The following RYR3 variants were observed in gnomAD, a reference collection of about 807,000 sequenced individuals.
The protein encoded by RYR3 is brain ryanodine receptor-calcium release channel.
In RYR3, 207 loss-of-function variants were observed where a neutral mutation model predicts 584.3. That is an observed-to-expected ratio of 0.35 (90% confidence interval 0.32 to 0.40). The LOEUF is 0.40. Among genes scored for constraint, RYR3 ranks in the 10% least tolerant of loss-of-function variants. The probability of loss-of-function intolerance (pLI) is 1.00; values close to 1 mark genes in which losing one functional copy is unlikely to be tolerated. For missense variants in RYR3, 5,616 were observed against 6,089.2 expected, an observed-to-expected ratio of 0.92 and a Z score of 2.59; for synonymous variants, 2,416 against 2,248.5, an observed-to-expected ratio of 1.07 and a Z score of -2.11.
intron 10 of RYR3, among the ~76,000 whole-genome samples, chr15:33,558,351 G>A (rs1346197639): frequency 9.1e-6 from 1 of 109,472 alleles, no homozygotes; most frequent in African/African-American, 2.8e-5. Flanking sequence ...GCGGTGTTTG[G>A]TTTTTTGTCC....
At chr15:33,695,418 T>A (rs955814315) in intron 38 of RYR3, among the ~76,000 whole-genome samples, 1 of 150,120 alleles carries the variant, frequency 6.7e-6, no homozygotes, top group African/African-American at 2.5e-5. Context: ...TTTACTTGTA[T>A]AGACAGTAAA....
At chr15:33,474,717 A>G (rs1224401437) in intron 2 of RYR3, among the ~76,000 whole-genome samples, 1 of 152,184 alleles carries the variant, frequency 6.6e-6, no homozygotes, top group African/African-American at 2.4e-5. Context: ...CAAAAATCAG[A>G]AATTGGTAAC....
In RYR3 at chr15:33,383,073, CAG is replaced by C. The variant is rs1308330711; in HGVS notation, c.51+71981_51+71982del. The stretch of plus-strand genomic sequence containing the variant: ...AGACTGTTAGGCCATAGTGAGGAAA[CAG>C]AGATGGAAGAAGTGCCTCATGGAGG... On this transcript the variant is annotated intron_variant, in intron 1 of 103. Transcript: ENST00000634891. Among the ~76,000 whole-genome samples, 6 of 151,916 alleles carry C rather than the reference CAG, an allele frequency of 3.9e-5. 1 individual carries two copies. The East Asian group carries it at 1.2e-3, about 29-fold the overall frequency.
At chr15:33,440,386 A>G (rs1457698144) in intron 1 of RYR3, among the ~76,000 whole-genome samples, 1 of 152,206 alleles carries the variant, frequency 6.6e-6, no homozygotes, top group Non-Finnish European at 1.5e-5. Context: ...TGAGGCAATC[A>G]TCATAGCCTC....
intron 55 of RYR3, among the ~76,000 whole-genome samples, chr15:33,749,761 A>G (rs2071098465): frequency 6.6e-6 from 1 of 152,148 alleles, no homozygotes; most frequent in Non-Finnish European, 1.5e-5. Context: ...GTTACAAGGG[A>G]AGGACAGAGT....
At chr15:33,507,180 G>A (rs758096394) in intron 3 of RYR3, among the ~76,000 whole-genome samples, 12 of 152,180 alleles carry the variant, frequency 7.9e-5, no homozygotes, top group East Asian at 3.8e-4. Flanking sequence ...GTTTACTCAC[G>A]TGTTGAGTGT....
At chr15:33,371,356 G>C (rs1394714584) in intron 1 of RYR3, among the ~76,000 whole-genome samples, 4 of 152,284 alleles carry the variant, frequency 2.6e-5, no homozygotes, top group East Asian at 1.9e-4. Flanking sequence ...TGGTATCAAG[G>C]CTCCTGCAGG....
At chr15:33,674,839 T>C (rs984112569) in intron 38 of RYR3, among the ~76,000 whole-genome samples, 1 of 149,390 alleles carries the variant, frequency 6.7e-6, no homozygotes, top group African/African-American at 2.5e-5. Context: ...TGCAGCAAAG[T>C]TCATGTCATA....
rs202158476 is a variant in RYR3 at position 33,837,003 on chromosome 15, A to G, written c.11650+16A>G. On this transcript the variant is annotated intron_variant, in intron 88 of 103. Transcript: ENST00000634891. ...CTCCTGGAAGGTTGGGCTGTTTGGT[A>G]TAACTAGGCCTTCACACAACTGTAA... The G allele has an allele frequency of 1.3e-4, 215 of 1,596,092 alleles. 1 individual carries two copies. Among genetic ancestry groups the G allele is most frequent in the Non-Finnish European group, 1.7e-4 (201 of 1,165,198 alleles).
intron 49 of RYR3, among the ~76,000 whole-genome samples, chr15:33,738,156 T>G (rs2069688142): frequency 1.3e-5 from 2 of 152,118 alleles, no homozygotes; most frequent in Admixed American, 6.5e-5. Context: ...GGTAGCACTT[T>G]CTGGTGTGAA....
chr15:33,562,355 C>T (rs1369085375), intron 10 of RYR3, among the ~76,000 whole-genome samples: 31 of 152,210 alleles, frequency 2.0e-4, no homozygotes, highest in Admixed American at 2.0e-3. Flanking sequence ...GGTCTCCTTT[C>T]TCTGCAGGTT....
chr15:33,791,746 T>C (rs1017862677), intron 67 of RYR3, among the ~76,000 whole-genome samples: 2 of 152,000 alleles, frequency 1.3e-5, no homozygotes, highest in Non-Finnish European at 2.9e-5. Context: ...GCAAAGTGAG[T>C]ATAACAAAAA....
Position 33,578,785 on chromosome 15 carries a change from C to CAAA in RYR3, c.1269-1184_1269-1182dup, listed in dbSNP as rs5811778. On this transcript the variant is annotated intron_variant, in intron 12 of 103. Coordinates refer to ENST00000634891, the MANE Select transcript of RYR3 (RefSeq NM_001036.6). Reference sequence around the variant, plus strand: ...TAGAATAAAAAAAAAAAAACAACAACAAAAAAAAACTCCTCGTGATGTTAC... The same window carrying CAAA: ...TAGAATAAAAAAAAAAAAACAACAACAAAAAAAAAAAACTCCTCGTGATGTTAC... 1.2e-3 allele frequency among the ~76,000 whole-genome samples: 176 copies of CAAA among 149,632 alleles called. 2 individuals are homozygous for CAAA. Among genetic ancestry groups the CAAA allele is most frequent in the South Asian group, 2.8e-3 (13 of 4,724 alleles).
At chr15:33,803,660 G>A (rs897313919) in intron 69 of RYR3, among the ~76,000 whole-genome samples, 3 of 152,062 alleles carry the variant, frequency 2.0e-5, no homozygotes, top group African/African-American at 4.8e-5. Context: ...AGCTACAGGC[G>A]CACGCCACCA....
intron 77 of RYR3, among the ~76,000 whole-genome samples, chr15:33,820,474 A>G (rs1025316798): frequency 6.6e-6 from 1 of 152,244 alleles, no homozygotes; most frequent in African/African-American, 2.4e-5. Flanking sequence ...TTACTAAGGT[A>G]GAAGAGTTCA....
At chr15:33,336,121 G>A (rs1034578738) in intron 1 of RYR3, among the ~76,000 whole-genome samples, 1 of 152,094 alleles carries the variant, frequency 6.6e-6, no homozygotes, top group African/African-American at 2.4e-5. Flanking sequence ...AGAGACACAA[G>A]TCCAAGTCTA....
At chr15:33,518,850 A>C (rs2140944222) in intron 3 of RYR3, among the ~76,000 whole-genome samples, 1 of 152,370 alleles carries the variant, frequency 6.6e-6, no homozygotes, top group Admixed American at 6.5e-5. Flanking sequence ...AACAACTCTG[A>C]GACACACTAG....
rs187633888 is a variant in RYR3 at position 33,758,096 on chromosome 15, C to T, written c.8705+500C>T. On this transcript the variant is annotated intron_variant, in intron 60 of 103. Transcript: ENST00000634891. ...TCATGAGGGACTGTGCTGTGAGAAA[C>T]GGTGCATTCTGGCCCAGATACTGTG... 1.9e-4 allele frequency among the ~76,000 whole-genome samples: 29 copies of T among 152,298 alleles called. 1 individual carries two copies. In the East Asian group the frequency reaches 4.1e-3, roughly 21 times the overall value.
At chr15:33,427,000 C>A in intron 1 of RYR3, among the ~76,000 whole-genome samples, 1 of 152,100 alleles carries the variant, frequency 6.6e-6, no homozygotes, top group Middle Eastern at 3.4e-3. Context: ...CTCCCAAAAG[C>A]CCCTCCTCCA....
Sources: allele counts gnomAD v4.1 joint callset (sites outside exome capture counted in the v4.1 genomes callset), GRCh38; gene constraint gnomAD v4.1.1; transcripts MANE v1.5; gene names NCBI Gene and HGNC (gene_info 2026-07-23, HGNC 2026-07-21).